The following PPP1R13B variants were observed in gnomAD, a reference collection of about 807,000 sequenced individuals.
The protein encoded by PPP1R13B is protein phosphatase 1 regulatory subunit 13B, also known as apoptosis-stimulating of p53 protein 1.
PPP1R13B carries 44 observed loss-of-function variants against 119.8 expected under a neutral mutation model. That is an observed-to-expected ratio of 0.37 (90% CI 0.29 to 0.47). The LOEUF (loss-of-function observed/expected upper bound fraction) is 0.47, where lower values mean the gene tolerates loss of function less well. PPP1R13B is among the 20% of genes least tolerant of loss of function. The pLI is 0.99. For synonymous variants in PPP1R13B, 542 were observed against 561.5 expected, an observed-to-expected ratio of 0.97 and a Z score of 0.49; for missense variants, 1,227 against 1,413.5, an observed-to-expected ratio of 0.87 and a Z score of 2.12.
intron 1 of PPP1R13B, among the ~76,000 whole-genome samples, chr14:103,811,580 T>C (rs1231318276): frequency 6.6e-6 from 1 of 151,856 alleles, no homozygotes; most frequent in African/African-American, 2.4e-5. Flanking sequence ...CCCAGCTTCT[T>C]GGGAGGCTGA....
At position 103,740,617 on chromosome 14, in the gene PPP1R13B, C is replaced by G; in HGVS notation, c.1823-24G>C. On this transcript the variant is annotated intron_variant, in intron 11 of 16. Transcript: ENST00000202556. The surrounding 1 kb of genome is among the most constrained non-coding windows in gnomAD (Gnocchi z 4.6). ...CACTGGGGAAGACACAAAGGACAGGCAATTTTGACCTCACTACAGAGATCT... is the reference window on the plus strand; with the variant it reads ...CACTGGGGAAGACACAAAGGACAGGGAATTTTGACCTCACTACAGAGATCT... 6.7e-7 allele frequency: 1 copy of G among 1,484,680 alleles called. No homozygotes were observed. Among genetic ancestry groups the G allele is most frequent in the Non-Finnish European group, 8.9e-7 (1 of 1,119,504 alleles). 92.0% of individuals were successfully genotyped at this position (1,484,680 alleles called of 1,614,324 possible). A position where few individuals can be genotyped will look rare whatever the true frequency, so the allele number is the denominator to read the frequency against.
intron 2 of PPP1R13B, among the ~76,000 whole-genome samples, chr14:103,791,412 A>G (rs1417698134): frequency 1.3e-5 from 2 of 152,244 alleles, no homozygotes; most frequent in Non-Finnish European, 2.9e-5. Context: ...AGCAAAAAAC[A>G]ATGACAAGTT....
chr14:103,841,133 A>C (rs1216212712), intron 1 of PPP1R13B, among the ~76,000 whole-genome samples: 1 of 152,052 alleles, frequency 6.6e-6, no homozygotes, highest in African/African-American at 2.4e-5. Flanking sequence ...TAAAAATACA[A>C]AATTAGCCAG....
intron 1 of PPP1R13B, among the ~76,000 whole-genome samples, chr14:103,844,953 T>C (rs1009672696): frequency 3.9e-5 from 6 of 152,298 alleles, no homozygotes; most frequent in East Asian, 3.9e-4. Flanking sequence ...AGAAAAAATG[T>C]ATAATATCTC....
intron 3 of PPP1R13B, among the ~76,000 whole-genome samples, chr14:103,784,241 A>T (rs939691865): frequency 6.6e-6 from 1 of 152,044 alleles, no homozygotes; most frequent in African/African-American, 2.4e-5. Flanking sequence ...TACGTTGTTT[A>T]ATTAACTTAG....
At chr14:103,796,503 C>A (rs185577076) in intron 2 of PPP1R13B, among the ~76,000 whole-genome samples, 1 of 152,176 alleles carries the variant, frequency 6.6e-6, no homozygotes, top group African/African-American at 2.4e-5. Flanking sequence ...AAATTCTCCA[C>A]ATCGTATACT....
chr14:103,802,942 T>C (rs913566769), intron 1 of PPP1R13B, among the ~76,000 whole-genome samples: 4 of 152,226 alleles, frequency 2.6e-5, no homozygotes, highest in African/African-American at 9.7e-5. Context: ...TTCCCTAATC[T>C]CTATTATTCA....
intron 4 of PPP1R13B, chr14:103,763,147 A>G: frequency 1.6e-6 from 1 of 639,006 alleles, no homozygotes. Flanking sequence ...CCACCTTATG[A>G]CAGGGATAAT....
At chr14:103,780,766 C>T (rs577415650) in intron 3 of PPP1R13B, among the ~76,000 whole-genome samples, 5 of 148,034 alleles carry the variant, frequency 3.4e-5, no homozygotes, top group East Asian at 2.0e-4. Context: ...GCCAAGATTG[C>T]GCCACTGCAC....
At chr14:103,801,275 T>C (rs2085894843) in intron 1 of PPP1R13B, among the ~76,000 whole-genome samples, 1 of 152,196 alleles carries the variant, frequency 6.6e-6, no homozygotes, top group African/African-American at 2.4e-5. Flanking sequence ...GAGATAGGTT[T>C]CTTAACTGAG....
intron 1 of PPP1R13B, among the ~76,000 whole-genome samples, chr14:103,844,535 G>A (rs1349373713): frequency 6.6e-6 from 1 of 152,028 alleles, no homozygotes; most frequent in Non-Finnish European, 1.5e-5. Context: ...TTCAAGGTCA[G>A]CCTGCCCAAC....
At position 103,754,055 on chromosome 14, in the gene PPP1R13B, G is replaced by A; in HGVS notation, c.631+15C>T. On this transcript the variant is annotated intron_variant, in intron 6 of 16. Coordinates refer to ENST00000202556, the MANE Select transcript of PPP1R13B (RefSeq NM_015316.3). ...CTGGTGAGAGTGGTGTCGAGGGGGT[G>A]TTGCAGGCACGTACACAGATTGCCG... is the stretch of plus-strand genomic sequence containing the variant. 6.2e-7 allele frequency: 1 copy of A among 1,610,916 alleles called. No homozygotes were observed. The highest frequency in any genetic ancestry group is 8.5e-7 in the Non-Finnish European group (1 of 1,177,932).
At chr14:103,810,150 G>A (rs1052670329) in intron 1 of PPP1R13B, among the ~76,000 whole-genome samples, 12 of 152,206 alleles carry the variant, frequency 7.9e-5, no homozygotes, top group African/African-American at 2.4e-4. Context: ...AAGGCCAGGC[G>A]TGGAGGCTCA....
At chr14:103,814,895 A>G (rs1338153996) in intron 1 of PPP1R13B, among the ~76,000 whole-genome samples, 2 of 152,116 alleles carry the variant, frequency 1.3e-5, no homozygotes, top group Non-Finnish European at 2.9e-5. Flanking sequence ...CAGTGAGCCA[A>G]GATCACACCA....
chr14:103,840,650 G>C (rs534724527), intron 1 of PPP1R13B, among the ~76,000 whole-genome samples: 1 of 152,128 alleles, frequency 6.6e-6, no homozygotes, highest in South Asian at 2.1e-4. Context: ...TATTAGCTGG[G>C]TGTGGAAGCA....
At chr14:103,832,237 T>C (rs779673532) in intron 1 of PPP1R13B, among the ~76,000 whole-genome samples, 2 of 152,242 alleles carry the variant, frequency 1.3e-5, no homozygotes, top group African/African-American at 2.4e-5. Flanking sequence ...CTTTAACTAC[T>C]ACCCTATGTG....
At chr14:103,792,945 C>G in intron 2 of PPP1R13B, among the ~76,000 whole-genome samples, 1 of 151,760 alleles carries the variant, frequency 6.6e-6, no homozygotes, top group Non-Finnish European at 1.5e-5. Context: ...GTGGCGCATG[C>G]CTGTAGTCCC....
At chr14:103,749,293 T>C (rs1258764677) in intron 8 of PPP1R13B, among the ~76,000 whole-genome samples, 4 of 152,228 alleles carry the variant, frequency 2.6e-5, no homozygotes, top group Admixed American at 1.3e-4. Flanking sequence ...AAGGATTTTT[T>C]AGAAGCATAA....
chr14:103,776,139 TGGAA>T (rs1377665687), intron 4 of PPP1R13B, among the ~76,000 whole-genome samples: 1 of 119,302 alleles, frequency 8.4e-6, no homozygotes, highest in Non-Finnish European at 1.6e-5. Context: ...CTGCAAGAGC[TGGAA>T]GGAAGGAAGG....
Sources: gnomAD v4.1 joint callset for allele counts (sites outside exome capture counted in the v4.1 genomes callset) on GRCh38, gnomAD v4.1.1 for gene constraint, Gnocchi (gnomAD v3.1) non-coding constraint, MANE v1.5 for transcripts, NCBI Gene and HGNC (gene_info 2026-07-23, HGNC 2026-07-21) for gene names.